Variants in ZNF804A observed in about 807,000 individuals in gnomAD.
The protein encoded by ZNF804A is zinc finger protein 804A.
A neutral mutation model predicts 16.5 loss-of-function variants in ZNF804A; 2 were observed. The observed-to-expected ratio is 0.12, with a 90% CI of 0.05 to 0.38. ZNF804A has a LOEUF of 0.38. Among genes scored for constraint, ZNF804A ranks in the 10% least tolerant of loss-of-function variants. ZNF804A has a pLI of 0.99. For synonymous variants in ZNF804A, 534 were observed against 489.6 expected, an observed-to-expected ratio of 1.09 and a Z score of -1.20; for missense variants, 1,473 against 1,390.7, an observed-to-expected ratio of 1.06 and a Z score of -0.94.
intron 1 of ZNF804A, among the ~76,000 whole-genome samples, chr2:184,799,710 C>CT (rs1237098399): frequency 2.6e-5 from 4 of 151,772 alleles, no homozygotes; most frequent in Non-Finnish European, 5.9e-5. Context: ...TTATTTTTTT[C>CT]TTTTTTTGTA....
chr2:184,807,417 C>T (rs1188062050), intron 1 of ZNF804A, among the ~76,000 whole-genome samples: 1 of 151,728 alleles, frequency 6.6e-6, no homozygotes, highest in Non-Finnish European at 1.5e-5. Context: ...GATGAAGCTA[C>T]ATGTTTTAGA....
At chr2:184,859,281 T>A (rs1695754894) in intron 1 of ZNF804A, among the ~76,000 whole-genome samples, 1 of 152,042 alleles carries the variant, frequency 6.6e-6, no homozygotes, top group Non-Finnish European at 1.5e-5. Flanking sequence ...TCCATAAGGA[T>A]CTTTTATTCT....
intron 1 of ZNF804A, among the ~76,000 whole-genome samples, chr2:184,649,065 C>T (rs1048822263): frequency 2.6e-5 from 4 of 151,714 alleles, no homozygotes; most frequent in African/African-American, 4.8e-5. Context: ...AAAAAAAAAT[C>T]GAAATTATAT....
chr2:184,843,130 C>G, intron 1 of ZNF804A, among the ~76,000 whole-genome samples: 1 of 152,164 alleles, frequency 6.6e-6, no homozygotes, highest in East Asian at 1.9e-4. Context: ...CACCTGAACT[C>G]TTTTCGTGGG....
intron 2 of ZNF804A, among the ~76,000 whole-genome samples, chr2:184,883,348 A>G (rs1433102913): frequency 3.3e-5 from 5 of 152,068 alleles, no homozygotes. Context: ...TGAGACATAT[A>G]AAGAAGAGCT....
chr2:184,886,239 G>A (rs1464238036), intron 2 of ZNF804A, among the ~76,000 whole-genome samples: 4 of 152,138 alleles, frequency 2.6e-5, no homozygotes, highest in South Asian at 2.1e-4. Flanking sequence ...GCTCCAAAAT[G>A]ATCTCCTTTG....
intron 1 of ZNF804A, among the ~76,000 whole-genome samples, chr2:184,792,839 A>G (rs1016056027): frequency 6.6e-6 from 1 of 151,970 alleles, no homozygotes; most frequent in African/African-American, 2.4e-5. Context: ...GGAATATTAC[A>G]TGATGCTGAG....
At chr2:184,650,480 G>A (rs754436763) in intron 1 of ZNF804A, among the ~76,000 whole-genome samples, 5 of 151,944 alleles carry the variant, frequency 3.3e-5, no homozygotes, top group Non-Finnish European at 5.9e-5. Context: ...CAAGAGAATG[G>A]AGTGAAAGGC....
rs1054596280 is a variant in ZNF804A at position 184,598,554 on chromosome 2, G to C, written c.-406G>C. The C allele has an allele frequency of 6.4e-6, 1 of 156,552 alleles. No individual in the cohort carries two copies. The highest frequency in any genetic ancestry group is 1.4e-5 in the Non-Finnish European group (1 of 71,428). 9.7% of individuals were successfully genotyped at this position (156,552 alleles called of 1,614,324 possible). ...AACTCCGAGTGCAGGCGCCGAGCGC[G>C]GGGGATGCTGCCGCCGCCGCCGCTT... On this transcript the variant is annotated 5_prime_UTR_variant, in exon 1 of 4. Coordinates refer to ENST00000302277, the MANE Select transcript of ZNF804A (RefSeq NM_194250.2).
chr2:184,677,383 AG>A (rs1163630330), intron 1 of ZNF804A, among the ~76,000 whole-genome samples: 1 of 151,952 alleles, frequency 6.6e-6, no homozygotes, highest in Non-Finnish European at 1.5e-5. Flanking sequence ...TTCCTTGGTC[AG>A]AATTGGGTAA....
intron 2 of ZNF804A, among the ~76,000 whole-genome samples, chr2:184,901,912 G>C (rs150193771): frequency 1.3e-5 from 2 of 151,548 alleles, no homozygotes; most frequent in South Asian, 4.2e-4. Context: ...ATCACATGAC[G>C]CTTTCTTATT....
At chr2:184,682,871 G>T (rs1692565312) in intron 1 of ZNF804A, among the ~76,000 whole-genome samples, 1 of 152,094 alleles carries the variant, frequency 6.6e-6, no homozygotes, top group African/African-American at 2.4e-5. Flanking sequence ...AACCCAGCAT[G>T]GTGGTGTACC....
At chr2:184,735,372 C>T (rs1693590343) in intron 1 of ZNF804A, among the ~76,000 whole-genome samples, 1 of 151,992 alleles carries the variant, frequency 6.6e-6, no homozygotes, top group Non-Finnish European at 1.5e-5. Flanking sequence ...TTTTCTCACT[C>T]ATAAGTGGGA....
intron 1 of ZNF804A, among the ~76,000 whole-genome samples, chr2:184,863,206 A>C (rs1468875151): frequency 6.6e-6 from 1 of 152,094 alleles, no homozygotes; most frequent in Non-Finnish European, 1.5e-5. Context: ...TATGGACAAG[A>C]ATATTTGGGT....
intron 2 of ZNF804A, 41 bp downstream of exon 2, chr2:184,866,553 T>C: frequency 6.4e-7 from 1 of 1,561,598 alleles, no homozygotes; most frequent in Non-Finnish European, 8.7e-7. Flanking sequence ...TTTCTGGACT[T>C]GTGTAATAGT....
chr2:184,866,789 T>A (rs1240007045), intron 2 of ZNF804A, among the ~76,000 whole-genome samples: 1 of 151,344 alleles, frequency 6.6e-6, no homozygotes, highest in East Asian at 1.9e-4. Context: ...GAAAACAATA[T>A]TCTACAAGTG....
chr2:184,675,208 A>G (rs1460236968), intron 1 of ZNF804A, among the ~76,000 whole-genome samples: 1 of 151,794 alleles, frequency 6.6e-6, no homozygotes, highest in African/African-American at 2.4e-5. Flanking sequence ...TCACACACAC[A>G]TATATATTAG....
chr2:184,866,228 G>T (rs1695875099), intron 1 of ZNF804A, 141 bp from the exon 2 acceptor site: 13 of 635,286 alleles, frequency 2.0e-5, no homozygotes, highest in Non-Finnish European at 3.0e-5. Context: ...TTCTAACTTG[G>T]TTTTCTAGTA....
intron 1 of ZNF804A, among the ~76,000 whole-genome samples, chr2:184,858,397 G>A (rs868474789): frequency 2.6e-5 from 4 of 151,498 alleles, no homozygotes; most frequent in South Asian, 4.2e-4. Flanking sequence ...CCAGGCACTC[G>A]GGAGGGTGAG....
Sources: gnomAD v4.1 joint callset for allele counts (sites outside exome capture counted in the v4.1 genomes callset) on GRCh38, gnomAD v4.1.1 for gene constraint, MANE v1.5 for transcripts, NCBI Gene and HGNC (gene_info 2026-07-23, HGNC 2026-07-21) for gene names.